CRYGN: variants seen among roughly 807,000 people sequenced by gnomAD.
The protein encoded by CRYGN is gamma-crystallin N.
A neutral mutation model predicts 19.2 loss-of-function variants in CRYGN; 17 were observed. That is an observed-to-expected ratio of 0.89 (90% CI 0.61 to 1.33). The LOEUF is 1.33. Among genes scored for constraint, CRYGN ranks in the 40% most tolerant of loss-of-function variants. The pLI is 0.00. For synonymous variants in CRYGN, 84 were observed against 85.8 expected (o/e 0.98, Z 0.12); for missense variants, 239 against 239.6 (o/e 1.00, Z 0.02).
At chr7:151,439,395 C>G (rs892748569) in intron 1 of CRYGN, among the ~76,000 whole-genome samples, 6 of 152,264 alleles carry the variant, frequency 3.9e-5, no homozygotes, top group South Asian at 2.1e-4. Flanking sequence ...GGTCTCCCGT[C>G]CTTCCTGCAC....
At chr7:151,437,549 C>A (rs960625717) in intron 2 of CRYGN, among the ~76,000 whole-genome samples, 1 of 152,148 alleles carries the variant, frequency 6.6e-6, no homozygotes, top group African/African-American at 2.4e-5. Flanking sequence ...CCCTGACAGG[C>A]GGGTGATTCT....
upstream of CRYGN, chr7:151,440,162 C>A: frequency 1.6e-6 from 2 of 1,256,854 alleles, no homozygotes; most frequent in Non-Finnish European, 2.1e-6. Flanking sequence ...CCTCCTTCCT[C>A]CCTGAGCCCT....
At position 151,435,791 on chromosome 7, in the gene CRYGN, C is replaced by A. The variant is rs1398166827; in HGVS notation, c.416+389G>T. ...TCCAGCCCATAAGGCCCTGGAGGAC[C>A]CCTTGGTAAGCAGGTGTCCCCCGGT... On this transcript the variant is annotated intron_variant, in intron 3 of 3. Coordinates refer to ENST00000337323, the MANE Select transcript of CRYGN (RefSeq NM_144727.3). This position sits in a 1 kb window ranked among gnomAD's most constrained non-coding sequence, Gnocchi z 4.2. Among the ~76,000 whole-genome samples, 1 of 152,110 alleles carries A rather than the reference C, an allele frequency of 6.6e-6. No individual in the cohort carries two copies. Among genetic ancestry groups the A allele is most frequent in the African/African-American group, 2.4e-5 (1 of 41,428 alleles).
intron 1 of CRYGN, among the ~76,000 whole-genome samples, chr7:151,439,655 C>T (rs967195353): frequency 6.6e-6 from 1 of 152,152 alleles, no homozygotes; most frequent in African/African-American, 2.4e-5. Context: ...ACCCTCCCTG[C>T]TCCTGACTGC....
At chr7:151,437,932 G>T in intron 2 of CRYGN, 64 bp downstream of exon 2, 1 of 1,602,584 alleles carries the variant, frequency 6.2e-7, no homozygotes, top group African/African-American at 1.3e-5. Context: ...GCCACTGTCT[G>T]CCAGGGCTGA....
intron 2 of CRYGN, 173 bp downstream of exon 2, chr7:151,437,823 C>A: frequency 6.8e-7 from 1 of 1,479,340 alleles, no homozygotes; most frequent in South Asian, 1.3e-5. Flanking sequence ...AGCAACTTGG[C>A]CCCCCACCTA....
Position 151,430,894 on chromosome 7 carries a change from A to G in CRYGN, c.417-714T>C, listed in dbSNP as rs1484148475. ...AGAGGCTGGACCAGGAGTCAGATCCACAGCCAGAACTCTGTGGGCACACGG... is the reference window on the plus strand; with the variant it reads ...AGAGGCTGGACCAGGAGTCAGATCCGCAGCCAGAACTCTGTGGGCACACGG... On this transcript the variant is annotated intron_variant, in intron 3 of 3. Transcript: ENST00000337323. This position sits in a 1 kb window ranked among gnomAD's most constrained non-coding sequence, Gnocchi z 5.2. 6.6e-6 allele frequency among the ~76,000 whole-genome samples: 1 copy of G among 152,204 alleles called. No individual in the cohort carries two copies. The highest frequency in any genetic ancestry group is 1.9e-4 in the East Asian group (1 of 5,182).
Position 151,439,946 on chromosome 7 carries a change from C to G in CRYGN, c.-29G>C, listed in dbSNP as rs1467367953. ...GCGCCCCGCCCCTTCCGCGGGTCCC[C>G]GTTTACACCGGGCAGCGCCCTGCTG... On this transcript the variant is annotated 5_prime_UTR_variant, in exon 1 of 4. Transcript: ENST00000337323. 1 of 1,524,026 alleles carries G rather than the reference C, an allele frequency of 6.6e-7. No individual in the cohort carries two copies. The highest frequency in any genetic ancestry group is 8.8e-7 in the Non-Finnish European group (1 of 1,135,902). 94.4% of individuals were successfully genotyped at this position (1,524,026 alleles called of 1,614,324 possible).
rs116123444 is a variant in CRYGN at position 151,434,041 on chromosome 7, G to A, written c.416+2139C>T. Among the ~76,000 whole-genome samples the A allele has an allele frequency of 5.1e-3, 774 of 152,222 alleles. 6 individuals are homozygous for A. Among genetic ancestry groups the A allele is most frequent in the African/African-American group, 0.018 (747 of 41,532 alleles). ...CAGTGGGAGGTGGTGGAGGGACCCT[G>A]CCTTGCCCACTCCCCCGACCCCAGG... On this transcript the variant is annotated intron_variant, in intron 3 of 3. Coordinates refer to ENST00000337323, the MANE Select transcript of CRYGN (RefSeq NM_144727.3).
chr7:151,436,180 G>A lies in CRYGN; in HGVS notation c.416C>T (p.Ala139Val), dbSNP rs777970518. The change falls in exon 3 of 4, where the codon GCA becomes GTA. Residue 139 changes from alanine (A) to valine (V), a missense_variant and splice_region_variant. Coordinates refer to ENST00000337323, the MANE Select transcript of CRYGN (RefSeq NM_144727.3). This position sits in a 1 kb window ranked among gnomAD's most constrained non-coding sequence, Gnocchi z 5.1. Reference sequence around the variant, plus strand: ...GTGCGGCCACGTGGCCTGTACTCACGCTCCGTCCCCGTACACCTTGATGGT... The same window carrying A: ...GTGCGGCCACGTGGCCTGTACTCACACTCCGTCCCCGTACACCTTGATGGT... ...VNTIKVYGDG[A>V]AWSPRSFGAE... 8.1e-6 allele frequency: 12 copies of A among 1,484,680 alleles called. No homozygotes were observed. The highest frequency in any genetic ancestry group is 4.3e-5 in the African/African-American group (3 of 69,850). 92.0% of individuals were successfully genotyped at this position (1,484,680 alleles called of 1,614,324 possible).
At chr7:151,437,500 C>G (rs1443636535) in intron 2 of CRYGN, among the ~76,000 whole-genome samples, 3 of 152,202 alleles carry the variant, frequency 2.0e-5, no homozygotes, top group Admixed American at 2.0e-4. Context: ...TGGGCGGCAG[C>G]TACCTGTGTA....
chr7:151,437,678 T>C (rs1801651176), intron 2 of CRYGN, among the ~76,000 whole-genome samples: 1 of 152,198 alleles, frequency 6.6e-6, no homozygotes, highest in Admixed American at 6.5e-5. Flanking sequence ...GTGTCCCCTA[T>C]CTGGCTGGAA....
rs1034018128 is a variant in CRYGN, at chr7:151,430,357, C to T, written c.417-177G>A. Among the ~76,000 whole-genome samples the T allele has an allele frequency of 2.1e-4, 32 of 152,048 alleles. No individual in the cohort carries two copies. The highest frequency in any genetic ancestry group is 7.0e-4 in the African/African-American group (29 of 41,400). ...GCCTCGGCTGTCATGGGACAGCCTACGGGGGTCCCACAGCAGTCATGGGGC... is the reference window on the plus strand; with the variant it reads ...GCCTCGGCTGTCATGGGACAGCCTATGGGGGTCCCACAGCAGTCATGGGGC... On this transcript the variant is annotated intron_variant, in intron 3 of 3. Coordinates refer to ENST00000337323, the MANE Select transcript of CRYGN (RefSeq NM_144727.3). This position sits in a 1 kb window ranked among gnomAD's most constrained non-coding sequence, Gnocchi z 5.2.
chr7:151,438,309 G>T (rs565163430), intron 1 of CRYGN, 65 bp from the exon 2 acceptor site: 2 of 1,518,836 alleles, frequency 1.3e-6, no homozygotes, highest in Non-Finnish European at 1.8e-6. Context: ...GGAGGCTGGC[G>T]TCTGGGTCCC....
At chr7:151,439,742 A>G (rs1801714482) in intron 1 of CRYGN, among the ~76,000 whole-genome samples, 155 bp downstream of exon 1, 1 of 152,222 alleles carries the variant, frequency 6.6e-6, no homozygotes, top group African/African-American at 2.4e-5. Flanking sequence ...GAGAGGCCCC[A>G]GGCCAGTAGC....
At chr7:151,432,671 G>A (rs1801499669) in intron 3 of CRYGN, among the ~76,000 whole-genome samples, 1 of 152,218 alleles carries the variant, frequency 6.6e-6, no homozygotes, top group Non-Finnish European at 1.5e-5. Flanking sequence ...GGGTGTGGTG[G>A]TGGGCACCTG....
rs1801415007 is a variant in CRYGN at position 151,429,316 on chromosome 7, C to T, written c.*732G>A. ...CCCTGCCTGCTTCCCCACCCCGTCA[C>T]CTACTGGGTCACCTACTACTAACCA... On this transcript the variant is annotated 3_prime_UTR_variant, in exon 4 of 4. Transcript: ENST00000337323. 2.0e-5 allele frequency: 3 copies of T among 152,510 alleles called. No individual in the cohort carries two copies. In the South Asian group the frequency reaches 6.2e-4, roughly 32 times the overall value. The allele number at this position is 152,510 out of a possible 1,614,324, so 9.4% of individuals were successfully genotyped here.
At position 151,437,469 on chromosome 7, in the gene CRYGN, G is replaced by A. The variant is rs1801645753; in HGVS notation, c.270+527C>T. On this transcript the variant is annotated intron_variant, in intron 2 of 3. Transcript: ENST00000337323. ...CACCGGGGAGCCATGCCCCTCGTCT[G>A]CCCTCCCTGCACACACCTCTTGGGC... 2.6e-5 allele frequency among the ~76,000 whole-genome samples: 4 copies of A among 152,338 alleles called. No homozygotes were observed. In the South Asian group the frequency reaches 8.3e-4, roughly 32 times the overall value.
chr7:151,437,834 C>G, intron 2 of CRYGN, 162 bp downstream of exon 2: 1 of 1,495,356 alleles, frequency 6.7e-7, no homozygotes, highest in South Asian at 1.3e-5. Context: ...CCCCCACCTA[C>G]TCACCTCATG....
Sources: allele counts gnomAD v4.1 joint callset (sites outside exome capture counted in the v4.1 genomes callset), GRCh38; gene constraint gnomAD v4.1.1; non-coding constraint Gnocchi (gnomAD v3.1); transcripts MANE v1.5; gene names NCBI Gene and HGNC (gene_info 2026-07-23, HGNC 2026-07-21).